CSGALNACT1: variants seen among roughly 807,000 people sequenced by gnomAD.
The protein encoded by CSGALNACT1 is beta4GalNAcT-1.
In CSGALNACT1, 52 loss-of-function variants were observed where a neutral mutation model predicts 51.0. The ratio of observed to expected loss-of-function variants is 1.02; its 90% CI spans 0.82 to 1.29. The LOEUF is 1.29. Among genes scored for constraint, CSGALNACT1 ranks in the 50% most tolerant of loss-of-function variants. The pLI, the probability that CSGALNACT1 is intolerant of heterozygous loss-of-function variation, is 0.00. For missense variants in CSGALNACT1, 935 were observed against 679.2 expected (o/e 1.38, Z -4.19); for synonymous variants, 341 against 254.4 (o/e 1.34, Z -3.24).
intron 2 of CSGALNACT1, among the ~76,000 whole-genome samples, chr8:19,597,267 G>A (rs192960950): frequency 1.4e-5 from 2 of 144,486 alleles, no homozygotes; most frequent in East Asian, 4.0e-4. Context: ...TTGGGTTGGG[G>A]CTGCCTCTAT....
Position 19,558,439 on chromosome 8 carries a change from T to C in CSGALNACT1, c.-297+32721A>G, listed in dbSNP as rs141459382. On this transcript the variant is annotated intron_variant, in intron 3 of 9. Transcript: ENST00000454498. Reference sequence around the variant, plus strand: ...TTACAGTTAGGGATTTAAGGGTCCCTATAGTTGAGAAAGTTATACTATTAG... The same window carrying C: ...TTACAGTTAGGGATTTAAGGGTCCCCATAGTTGAGAAAGTTATACTATTAG... Among the ~76,000 whole-genome samples the C allele has an allele frequency of 2.1e-3, 318 of 152,330 alleles. 4 individuals are homozygous for C. The highest frequency in any genetic ancestry group is 7.0e-3 in the African/African-American group (289 of 41,578).
At chr8:19,426,025 T>C (rs928070253) in intron 6 of CSGALNACT1, among the ~76,000 whole-genome samples, 3 of 152,206 alleles carry the variant, frequency 2.0e-5, no homozygotes, top group African/African-American at 7.2e-5. Flanking sequence ...CAGATCTGTA[T>C]GAGGGGCTCT....
intron 6 of CSGALNACT1, among the ~76,000 whole-genome samples, chr8:19,425,900 C>T (rs1283846479): frequency 6.6e-6 from 1 of 152,120 alleles, no homozygotes; most frequent in African/African-American, 2.4e-5. Context: ...CAAGAATCAC[C>T]GCCCCTCCTG....
At chr8:19,505,058 T>TAC (rs1405801529) in intron 4 of CSGALNACT1, 143 bp downstream of exon 3, 19 of 820,506 alleles carry the variant, frequency 2.3e-5, no homozygotes, top group African/African-American at 2.2e-4. Context: ...AGCCATGCCG[T>TAC]ACCTTTTGGT....
intron 8 of CSGALNACT1, among the ~76,000 whole-genome samples, chr8:19,417,184 C>G (rs151294263): frequency 1.4e-3 from 218 of 152,254 alleles, no homozygotes; most frequent in African/African-American, 5.1e-3. Context: ...GTGAAAAACT[C>G]TTACTGTTTT....
At chr8:19,583,411 G>A (rs1241115171) in intron 3 of CSGALNACT1, among the ~76,000 whole-genome samples, 1 of 152,026 alleles carries the variant, frequency 6.6e-6, no homozygotes, top group Non-Finnish European at 1.5e-5. Context: ...CTCAGTTTTT[G>A]TTTATCTGGG....
rs375869694 is a variant in CSGALNACT1 at position 19,437,647 on chromosome 8, C to A, written c.953+2183G>T. Among the ~76,000 whole-genome samples, 8 of 152,266 alleles carry A rather than the reference C, an allele frequency of 5.3e-5. No individual in the cohort carries two copies. In the East Asian group the frequency reaches 1.5e-3, roughly 29 times the overall value. On this transcript the variant is annotated intron_variant, in intron 6 of 9. Coordinates refer to ENST00000454498, the Ensembl canonical transcript of CSGALNACT1. ...TTTATTCCCTATGCAACTAGTCAACCAGGTATAGGTATAGGTATATACATA... is the reference window on the plus strand; with the variant it reads ...TTTATTCCCTATGCAACTAGTCAACAAGGTATAGGTATAGGTATATACATA...
In CSGALNACT1 at chr8:19,505,259, G is replaced by C. The variant is rs181991673; in HGVS notation, c.576C>G (p.Asn192Lys). Residue 192 changes from asparagine to lysine, a missense_variant, in exon 4 of 10, where the codon AAC becomes AAG. Transcript: ENST00000454498. The stretch of plus-strand genomic sequence containing the variant: ...GATTGGGGCTGTTCTCTGCAGGACT[G>C]TTCAGGGTCTCCAAGGCTGATTCAA... 1.7e-5 allele frequency: 28 copies of C among 1,614,174 alleles called. No individual in the cohort carries two copies. In the African/African-American group the frequency reaches 2.8e-4, roughly 16 times the overall value.
At chr8:19,468,823 G>C (rs890035315) in intron 4 of CSGALNACT1, among the ~76,000 whole-genome samples, 45 of 152,154 alleles carry the variant, frequency 3.0e-4, no homozygotes, top group African/African-American at 1.1e-3. Flanking sequence ...TACAGATTTA[G>C]ACATCCCCAC....
intron 3 of CSGALNACT1, among the ~76,000 whole-genome samples, chr8:19,509,406 G>C (rs751711980): frequency 3.9e-5 from 6 of 151,984 alleles, no homozygotes; most frequent in East Asian, 1.9e-4. Flanking sequence ...GATCATTTAA[G>C]GTCAGGAGTT....
chr8:19,405,102 A>C (rs1391668525), exon 10 of CSGALNACT1: 1 of 453,698 alleles, frequency 2.2e-6, no homozygotes, highest in Non-Finnish European at 4.4e-6. Flanking sequence ...TAAGGCTTGC[A>C]AAGTGGTAAT....
chr8:19,692,501 G>C (rs564674850), intron 1 of CSGALNACT1, among the ~76,000 whole-genome samples: 100 of 152,274 alleles, frequency 6.6e-4, no homozygotes, highest in African/African-American at 2.4e-3. Context: ...ATGATGATGG[G>C]GAGGATGAAA....
chr8:19,656,951 A>C (rs2058333264), intron 1 of CSGALNACT1, among the ~76,000 whole-genome samples: 1 of 151,858 alleles, frequency 6.6e-6, no homozygotes. Flanking sequence ...CTGTAGTCCC[A>C]GCTATTCAGG....
intron 4 of CSGALNACT1, among the ~76,000 whole-genome samples, chr8:19,464,054 C>A (rs754298612): frequency 1.3e-5 from 2 of 152,210 alleles, no homozygotes; most frequent in Non-Finnish European, 1.5e-5. Context: ...TGCGTGCAGA[C>A]GGGTTGTGAC....
chr8:19,484,072 C>A (rs188828556), intron 4 of CSGALNACT1, among the ~76,000 whole-genome samples: 3 of 152,330 alleles, frequency 2.0e-5, no homozygotes, highest in Non-Finnish European at 1.5e-5. Context: ...CCTCCCTCCA[C>A]CCCATTAGTC....
chr8:19,640,754 C>G (rs533038944), intron 1 of CSGALNACT1, among the ~76,000 whole-genome samples: 189 of 152,232 alleles, frequency 1.2e-3, no homozygotes, highest in African/African-American at 3.8e-3. Flanking sequence ...TTCTATTAAC[C>G]AAACTCTGCA....
At chr8:19,428,711 C>A in intron 6 of CSGALNACT1, among the ~76,000 whole-genome samples, 1 of 152,100 alleles carries the variant, frequency 6.6e-6, no homozygotes, top group East Asian at 1.9e-4. Context: ...AACTACTATA[C>A]AGCAGCACGT....
chr8:19,439,289 C>T (rs943871073), intron 6 of CSGALNACT1, among the ~76,000 whole-genome samples: 3 of 152,198 alleles, frequency 2.0e-5, no homozygotes, highest in African/African-American at 4.8e-5. Flanking sequence ...TTGTACTCAA[C>T]TGAGTAAGTT....
intron 1 of CSGALNACT1, among the ~76,000 whole-genome samples, chr8:19,700,120 A>G (rs1293629657): frequency 2.8e-5 from 2 of 71,662 alleles, no homozygotes; most frequent in Non-Finnish European, 6.4e-5. Context: ...TCAAAAAAAA[A>G]AAAAAGAAAA....
Sources: gnomAD v4.1 joint callset for allele counts (sites outside exome capture counted in the v4.1 genomes callset) on GRCh38, gnomAD v4.1.1 for gene constraint, MANE v1.5 for transcripts, NCBI Gene and HGNC (gene_info 2026-07-23, HGNC 2026-07-21) for gene names.